KIAA0408: variants seen among roughly 807,000 people sequenced by gnomAD.
KIAA0408 encodes KIAA0408.
Under a neutral mutation model 60.9 loss-of-function variants are expected in KIAA0408, and 51 were observed. The observed-to-expected ratio is 0.84, with a 90% CI of 0.67 to 1.06. KIAA0408 has a LOEUF of 1.06. Ranked by LOEUF, KIAA0408 falls within the 50% of genes least tolerant of loss-of-function variation. KIAA0408 has a pLI of 0.00. For synonymous variants in KIAA0408, 304 were observed against 282.4 expected (o/e 1.08, Z -0.77); for missense variants, 787 against 833.9 (o/e 0.94, Z 0.69).
At chr6:127,454,352 T>A in intron 1 of KIAA0408, 1 of 166,038 alleles carries the variant, frequency 6.0e-6, no homozygotes, top group Non-Finnish European at 1.3e-5. Context: ...AATGCGCATG[T>A]GAGATGTAAT....
In KIAA0408 at chr6:127,447,142, C is replaced by T. The variant is rs1773213729; in HGVS notation, c.1177G>A (p.Val393Met). 1 of 1,613,700 alleles carries T rather than the reference C, an allele frequency of 6.2e-7. No homozygotes were observed. Residue 393 changes from valine (V) to methionine (M), a missense_variant, in exon 5 of 6, where the codon GTG becomes ATG. Physicochemically the swap from Val to Met is conservative, Grantham distance 21. Transcript: ENST00000483725. ...STPSNPKYEM[V>M]IPDHPAKSHP... Reference sequence around the variant, plus strand: ...GATTTAGCAGGGTGATCTGGGATCACCATTTCATATTTTGGATTACTGGGG... The same window carrying T: ...GATTTAGCAGGGTGATCTGGGATCATCATTTCATATTTTGGATTACTGGGG...
Position 127,446,892 on chromosome 6 carries a change from T to G in KIAA0408, c.1427A>C (p.Asp476Ala), listed in dbSNP as rs1433958624. ...SKSSEDLKPC[D>A]TSSTHTGSIS... ...GCTACCTGTGTGAGTAGATGAGGTATCACAGGGCTTGAGATCCTCCGATGA... is the reference window on the plus strand; with the variant it reads ...GCTACCTGTGTGAGTAGATGAGGTAGCACAGGGCTTGAGATCCTCCGATGA... Residue 476 changes from aspartate to alanine, a missense_variant, in exon 5 of 6, where the codon GAT becomes GCT. Coordinates refer to ENST00000483725, the MANE Select transcript of KIAA0408 (RefSeq NM_014702.5). 4 of 1,614,110 alleles carry G rather than the reference T, an allele frequency of 2.5e-6. No individual in the cohort carries two copies. The highest frequency in any genetic ancestry group is 2.2e-5 in the South Asian group (2 of 91,074).
chr6:127,457,187 T>TA (rs1403478617), intron 1 of KIAA0408, among the ~76,000 whole-genome samples: 2 of 152,176 alleles, frequency 1.3e-5, no homozygotes, highest in Non-Finnish European at 2.9e-5. Context: ...AAATCTTATG[T>TA]AAAACTGCTT....
Position 127,444,150 on chromosome 6 carries a change from T to G in KIAA0408, c.2044A>C (p.Asn682His), listed in dbSNP as rs367597569. Reference sequence around the variant, plus strand: ...TCGGATCGCAGAGAAATGGTATAGTTGTGGGTAGTTCTCCGCAAGGCAGGG... The same window carrying G: ...TCGGATCGCAGAGAAATGGTATAGTGGTGGGTAGTTCTCCGCAAGGCAGGG... Reference protein sequence around the residue: ...APPALRRTTHNYTISLRSEAL... With the variant: ...APPALRRTTHHYTISLRSEAL... Residue 682 changes from asparagine to histidine, a missense_variant, in exon 6 of 6, where the codon AAC (asparagine) becomes CAC (histidine). By Grantham distance (68) the Asn-to-His change is moderately conservative. Coordinates refer to ENST00000483725, the MANE Select transcript of KIAA0408 (RefSeq NM_014702.5). 1.9e-6 allele frequency: 3 copies of G among 1,613,880 alleles called. No individual in the cohort carries two copies. The highest frequency in any genetic ancestry group is 2.5e-6 in the Non-Finnish European group (3 of 1,179,984).
At chr6:127,451,442 G>T (rs906042804) in intron 2 of KIAA0408, 2 of 376,226 alleles carry the variant, frequency 5.3e-6, no homozygotes, top group African/African-American at 4.2e-5. Context: ...CAAATTATTT[G>T]TACTGAACTT....
intron 1 of KIAA0408, among the ~76,000 whole-genome samples, chr6:127,456,785 G>T (rs542271590): frequency 5.0e-4 from 11 of 22,170 alleles, no homozygotes; most frequent in South Asian, 2.7e-3. Context: ...ATAAAGTGGT[G>T]GGGGGGGGGC....
Position 127,454,080 on chromosome 6 carries a change from T to G in KIAA0408, c.-99A>C, listed in dbSNP as rs909787291. On this transcript the variant is annotated 5_prime_UTR_variant, in exon 2 of 6. Coordinates refer to ENST00000483725, the MANE Select transcript of KIAA0408 (RefSeq NM_014702.5). ...TGAAGTTGTTTTATTTGAAGCAGTCTCACTTGCCTTTAAAATAAAGCCTAA... is the reference window on the plus strand; with the variant it reads ...TGAAGTTGTTTTATTTGAAGCAGTCGCACTTGCCTTTAAAATAAAGCCTAA... 8.3e-6 allele frequency: 12 copies of G among 1,450,688 alleles called. No individual in the cohort carries two copies. In the Admixed American group the frequency reaches 2.8e-4, roughly 34 times the overall value. The allele number at this position is 1,450,688 out of a possible 1,614,324, so 89.9% of individuals were successfully genotyped here. A position where few individuals can be genotyped will look rare whatever the true frequency, so the allele number is the denominator to read the frequency against.
At chr6:127,451,436 T>A (rs1017317807) in intron 2 of KIAA0408, 1 of 389,252 alleles carries the variant, frequency 2.6e-6, no homozygotes, top group East Asian at 7.7e-5. Context: ...CCCTGCCAAA[T>A]TATTTGTACT....
rs1773063422 is a variant in KIAA0408 at position 127,438,989 on chromosome 6, A to C, written c.*5120T>G. The C allele has an allele frequency of 6.6e-6, 1 of 152,222 alleles. No individual in the cohort carries two copies. Among genetic ancestry groups the C allele is most frequent in the Admixed American group, 6.6e-5 (1 of 15,266 alleles). 9.4% of individuals were successfully genotyped at this position (152,222 alleles called of 1,614,324 possible). A position where few individuals can be genotyped will look rare whatever the true frequency, so the allele number is the denominator to read the frequency against. On this transcript the variant is annotated 3_prime_UTR_variant, in exon 6 of 6. Transcript: ENST00000483725. ...CCTTATAAAAGAAGCATCACATAGC[A>C]TTCAGCTGCTTCTTGCTATTCTGCT...
Position 127,447,167 on chromosome 6 carries a change from G to T in KIAA0408, c.1152C>A (p.Thr384=). The T allele has an allele frequency of 6.2e-7, 1 of 1,613,010 alleles. No individual in the cohort carries two copies. The highest frequency in any genetic ancestry group is 8.5e-7 in the Non-Finnish European group (1 of 1,179,662). ...STSWFQKTCS[T]PSNPKYEMVI... ...CCATTTCATATTTTGGATTACTGGGGGTAGAGCAGGTTTTCTGAAACCACG... is the reference window on the plus strand; with the variant it reads ...CCATTTCATATTTTGGATTACTGGGTGTAGAGCAGGTTTTCTGAAACCACG... Residue 384 remains threonine (T), a synonymous_variant, in exon 5 of 6, where the codon ACC becomes ACA. Transcript: ENST00000483725.
At chr6:127,445,023 G>T (rs1398897088) in intron 5 of KIAA0408, among the ~76,000 whole-genome samples, 1 of 151,850 alleles carries the variant, frequency 6.6e-6, no homozygotes, top group African/African-American at 2.4e-5. Context: ...TATACACTTG[G>T]TTCTTATTGA....
intron 1 of KIAA0408, among the ~76,000 whole-genome samples, chr6:127,456,600 G>A (rs1450276845): frequency 3.3e-5 from 5 of 152,174 alleles, no homozygotes; most frequent in Non-Finnish European, 5.9e-5. Context: ...GCAATTGCTA[G>A]TGCCAAGAAA....
At chr6:127,447,865 AT>A in intron 4 of KIAA0408, 125 bp from the exon 5 acceptor site, 3 of 1,216,602 alleles carry the variant, frequency 2.5e-6, no homozygotes, top group Non-Finnish European at 3.2e-6. Flanking sequence ...CTCATACATC[AT>A]TTTTACATAA....
In KIAA0408 at chr6:127,446,413, T is replaced by A; in HGVS notation, c.1906A>T (p.Thr636Ser). The change falls in exon 5 of 6, where the codon ACA (threonine) becomes TCA (serine). Residue 636 changes from threonine to serine, a missense_variant. By Grantham distance (58) the Thr-to-Ser change is moderately conservative. Transcript: ENST00000483725. Reference protein sequence around the residue: ...VKQGIDPKKITEESMSVNASH... With the variant: ...VKQGIDPKKISEESMSVNASH... ...TGTTATATTTGCTTTCTCACCTCTGTTATCTTTTTCGGATCTATTCCTTGC... is the reference window on the plus strand; with the variant it reads ...TGTTATATTTGCTTTCTCACCTCTGATATCTTTTTCGGATCTATTCCTTGC... The A allele has an allele frequency of 6.2e-7, 1 of 1,605,000 alleles. No homozygotes were observed.
rs946883177 is a variant in KIAA0408 at position 127,441,794 on chromosome 6, A to G, written c.*2315T>C. On this transcript the variant is annotated 3_prime_UTR_variant, in exon 6 of 6. Coordinates refer to ENST00000483725, the MANE Select transcript of KIAA0408 (RefSeq NM_014702.5). ...TTTAAAAAGAGAAAACAGAACATTC[A>G]AATAACCTTAGTTTTTCAGTTTTAC... 5 of 152,216 alleles carry G rather than the reference A, an allele frequency of 3.3e-5. No individual in the cohort carries two copies. The highest frequency in any genetic ancestry group is 5.9e-5 in the Non-Finnish European group (4 of 68,040). 9.4% of individuals were successfully genotyped at this position (152,216 alleles called of 1,614,324 possible).
At position 127,453,916 on chromosome 6, in the gene KIAA0408, C is replaced by T. The variant is rs767758506; in HGVS notation, c.66G>A (p.Leu22=). ...CCTTTCTTTCATTGTCAAACTGGTC[C>T]AGTAATTCCATCTTTTCCTTATGCC... ...TNWHKEKMEL[L]DQFDNERKEW... is the part of the protein sequence containing the mutation. The change falls in exon 2 of 6, where the codon CTG becomes CTA. Residue 22 remains leucine (L), a synonymous_variant. Coordinates refer to ENST00000483725, the MANE Select transcript of KIAA0408 (RefSeq NM_014702.5). 3 of 1,612,946 alleles carry T rather than the reference C, an allele frequency of 1.9e-6. No individual in the cohort carries two copies. Among genetic ancestry groups the T allele is most frequent in the Non-Finnish European group, 2.5e-6 (3 of 1,179,232 alleles).
intron 5 of KIAA0408, among the ~76,000 whole-genome samples, chr6:127,445,405 C>T (rs1046157009): frequency 5.3e-5 from 8 of 152,114 alleles, no homozygotes; most frequent in African/African-American, 1.7e-4. Flanking sequence ...CAGAGAAATA[C>T]AAAAGCAGGA....
Position 127,447,272 on chromosome 6 carries a change from C to T in KIAA0408, c.1047G>A (p.Lys349=), listed in dbSNP as rs903135574. 1.9e-6 allele frequency: 3 copies of T among 1,613,908 alleles called. No homozygotes were observed. The highest frequency in any genetic ancestry group is 2.7e-5 in the African/African-American group (2 of 74,924). The change falls in exon 5 of 6, where the codon AAG becomes AAA. Residue 349 remains lysine, a synonymous_variant. Transcript: ENST00000483725. Reference sequence around the variant, plus strand: ...GTCCAACATCTTCATTACTTGGAGGCTTGCTATCTATTTTGACTTCTGGTA... The same window carrying T: ...GTCCAACATCTTCATTACTTGGAGGTTTGCTATCTATTTTGACTTCTGGTA... The part of the protein sequence containing the change: ...SLVPEVKIDS[K]PPSNEDVGLS...
intron 5 of KIAA0408, among the ~76,000 whole-genome samples, chr6:127,445,152 T>C (rs1442106740): frequency 1.3e-5 from 2 of 152,176 alleles, no homozygotes; most frequent in Admixed American, 6.5e-5. Context: ...TTTTTCTTTT[T>C]GGAGACTTAT....
Sources: gnomAD v4.1 joint callset for allele counts (sites outside exome capture counted in the v4.1 genomes callset) on GRCh38, gnomAD v4.1.1 for gene constraint, MANE v1.5 for transcripts, NCBI Gene and HGNC (gene_info 2026-07-23, HGNC 2026-07-21) for gene names.